ATP6V0A2: variants seen among roughly 807,000 people sequenced by gnomAD.
The protein encoded by ATP6V0A2 is ATPase H+ transporting V0 subunit a2, also known as V-type proton ATPase 116 kDa subunit a 2.
A neutral mutation model predicts 104.4 loss-of-function variants in ATP6V0A2; 58 were observed. The ratio of observed to expected loss-of-function variants is 0.56; its 90% confidence interval spans 0.45 to 0.69. The LOEUF is 0.69. Ranked by LOEUF, ATP6V0A2 falls within the 30% of genes least tolerant of loss-of-function variation. ATP6V0A2 has a pLI of 0.00. For missense variants in ATP6V0A2, 938 were observed against 1,062.9 expected, an observed-to-expected ratio of 0.88 and a Z score of 1.63; for synonymous variants, 376 against 397.9, an observed-to-expected ratio of 0.95 and a Z score of 0.65.
intron 6 of ATP6V0A2, among the ~76,000 whole-genome samples, chr12:123,729,023 C>A (rs371540276): frequency 6.6e-6 from 1 of 152,220 alleles, no homozygotes; most frequent in Non-Finnish European, 1.5e-5. Flanking sequence ...CTTTAGACTT[C>A]GCTGTGAAGT....
At position 123,746,391 on chromosome 12, in the gene ATP6V0A2, T is replaced by C. The variant is rs1956662439; in HGVS notation, c.1606-1216T>C. Among the ~76,000 whole-genome samples the C allele has an allele frequency of 3.3e-5, 5 of 152,038 alleles. No individual in the cohort carries two copies. In the South Asian group the frequency reaches 1.0e-3, roughly 32 times the overall value. ...AATATATCAGCGAAGTTGACTGGCCTCCAACTTCTCAGCCCTGAATACCTC... is the reference window on the plus strand; with the variant it reads ...AATATATCAGCGAAGTTGACTGGCCCCCAACTTCTCAGCCCTGAATACCTC... On this transcript the variant is annotated intron_variant, in intron 13 of 19. Coordinates refer to ENST00000330342, the MANE Select transcript of ATP6V0A2 (RefSeq NM_012463.4).
intron 9 of ATP6V0A2, among the ~76,000 whole-genome samples, chr12:123,739,315 G>A (rs893366755): frequency 3.9e-5 from 6 of 152,112 alleles, no homozygotes; most frequent in South Asian, 2.1e-4. Context: ...CTGTCTCTTC[G>A]CTTTCCTCAT....
intron 1 of ATP6V0A2, 142 bp from the exon 2 acceptor site, chr12:123,718,481 A>T: frequency 1.6e-6 from 1 of 624,504 alleles, no homozygotes; most frequent in Non-Finnish European, 2.7e-6. Flanking sequence ...AATTGCTCTC[A>T]AGAAAAGTTG....
In ATP6V0A2 at chr12:123,737,165, T is replaced by G. The variant is rs758219106; in HGVS notation, c.932T>G (p.Met311Arg). ...AAGAAAATGAAGGCCATCTATCACA[T>G]GCTGAACATGTGCAGCTTTGACGTG... ...QVKKMKAIYH[M>R]LNMCSFDVTN... The change falls in exon 9 of 20, where the codon ATG becomes AGG. Residue 311 changes from methionine (M) to arginine (R), a missense_variant. Transcript: ENST00000330342. The G allele has an allele frequency of 1.2e-6, 2 of 1,614,066 alleles. No individual in the cohort carries two copies. The highest frequency in any genetic ancestry group is 3.3e-5 in the Admixed American group (2 of 60,008).
At chr12:123,716,653 T>C (rs1956342446) in intron 1 of ATP6V0A2, among the ~76,000 whole-genome samples, 1 of 151,650 alleles carries the variant, frequency 6.6e-6, no homozygotes, top group Non-Finnish European at 1.5e-5. Flanking sequence ...TAGCCGGGTG[T>C]GGTGGCACGT....
chr12:123,743,602 G>A (rs1387133688), intron 9 of ATP6V0A2, among the ~76,000 whole-genome samples, 183 bp from the exon 10 acceptor site: 1 of 150,998 alleles, frequency 6.6e-6, no homozygotes, highest in Non-Finnish European at 1.5e-5. Flanking sequence ...GCGGTGAGCC[G>A]AGATCACACC....
chr12:123,740,636 CT>C (rs1482271986), intron 9 of ATP6V0A2, among the ~76,000 whole-genome samples: 2 of 152,198 alleles, frequency 1.3e-5, no homozygotes, highest in Admixed American at 1.3e-4. Context: ...TACTGTCTTG[CT>C]TTGGTTTTCT....
chr12:123,727,528 C>T (rs577351896), intron 5 of ATP6V0A2, among the ~76,000 whole-genome samples: 11 of 152,244 alleles, frequency 7.2e-5, no homozygotes, highest in East Asian at 1.9e-4. Context: ...CCACCCGCCT[C>T]GGCCTCCCAA....
chr12:123,727,857 A>G lies in ATP6V0A2; in HGVS notation c.596A>G (p.Tyr199Cys), dbSNP rs1956462961. ...ATGTTGTGGAGAGTCTGCAAAGGGT[A>G]CACCATCGTGTCCTATGCAGAACTG... ...EKMLWRVCKG[Y>C]TIVSYAELDE... The change falls in exon 6 of 20, where the codon TAC becomes TGC. Residue 199 changes from tyrosine (Y) to cysteine (C), a missense_variant. Tyr to Cys is a radical substitution (Grantham distance 194, BLOSUM62 -2). Coordinates refer to ENST00000330342, the MANE Select transcript of ATP6V0A2 (RefSeq NM_012463.4). 1 of 1,614,224 alleles carries G rather than the reference A, an allele frequency of 6.2e-7. No individual in the cohort carries two copies. Among genetic ancestry groups the G allele is most frequent in the Non-Finnish European group, 8.5e-7 (1 of 1,180,026 alleles).
chr12:123,743,322 T>C (rs1956626884), intron 9 of ATP6V0A2, among the ~76,000 whole-genome samples: 1 of 152,160 alleles, frequency 6.6e-6, no homozygotes, highest in Non-Finnish European at 1.5e-5. Flanking sequence ...TGAGTGGAGA[T>C]TAATCCTGCA....
At chr12:123,742,889 C>A (rs76001391) in intron 9 of ATP6V0A2, among the ~76,000 whole-genome samples, 1 of 151,682 alleles carries the variant, frequency 6.6e-6, no homozygotes, top group African/African-American at 2.4e-5. Flanking sequence ...CTGTCAATAA[C>A]CTGTTTACCT....
In ATP6V0A2 at chr12:123,759,486, A is replaced by G. The variant is rs3748272; in HGVS notation, c.*1454A>G. ...TTTTTTGTGAACTTGAGTCAGTCCT[A>G]TTGAACATTTTGACCTATATTCTTG... On this transcript the variant is annotated 3_prime_UTR_variant, in exon 20 of 20. Coordinates refer to ENST00000330342, the MANE Select transcript of ATP6V0A2 (RefSeq NM_012463.4). 9.2e-5 allele frequency: 14 copies of G among 152,242 alleles called. No homozygotes were observed. Among genetic ancestry groups the G allele is most frequent in the Non-Finnish European group, 1.6e-4 (11 of 68,036 alleles). 9.4% of individuals were successfully genotyped at this position (152,242 alleles called of 1,614,324 possible).
At chr12:123,724,985 G>T (rs2135887880) in intron 4 of ATP6V0A2, among the ~76,000 whole-genome samples, 194 bp downstream of exon 4, 2 of 151,986 alleles carry the variant, frequency 1.3e-5, no homozygotes, top group Non-Finnish European at 2.9e-5. Flanking sequence ...GCCCAGGCTA[G>T]AGTGCAGTGG....
At position 123,734,002 on chromosome 12, in the gene ATP6V0A2, G is replaced by T; in HGVS notation, c.725G>T (p.Cys242Phe). 6.2e-7 allele frequency: 1 copy of T among 1,611,338 alleles called. No homozygotes were observed. Among genetic ancestry groups the T allele is most frequent in the Non-Finnish European group, 8.5e-7 (1 of 1,177,720 alleles). Residue 242 changes from cysteine (C) to phenylalanine (F), a missense_variant, in exon 7 of 20, where the codon TGT (cysteine) becomes TTT (phenylalanine). Cys to Phe is a radical substitution (Grantham distance 205). Coordinates refer to ENST00000330342, the MANE Select transcript of ATP6V0A2 (RefSeq NM_012463.4). ...ATTGGCCACAAGGTTAAGAAGATAT[G>T]TGATTGGTAAGAAAAAGAAACATTT... ...EQIGHKVKKI[C>F]DCYHCHVYPY...
Position 123,728,783 on chromosome 12 carries a change from C to T in ATP6V0A2, c.648+874C>T, listed in dbSNP as rs548907743. Among the ~76,000 whole-genome samples the T allele has an allele frequency of 4.6e-5, 7 of 152,346 alleles. No individual in the cohort carries two copies. In the South Asian group the frequency reaches 1.0e-3, roughly 23 times the overall value. On this transcript the variant is annotated intron_variant, in intron 6 of 19. Coordinates refer to ENST00000330342, the MANE Select transcript of ATP6V0A2 (RefSeq NM_012463.4). ...TGTTTCTGTTTGCTCCATTACTGGT[C>T]GTGGTCCCTCTGATCACTTGATTAG...
chr12:123,743,132 T>C (rs1288174834), intron 9 of ATP6V0A2, among the ~76,000 whole-genome samples: 1 of 152,196 alleles, frequency 6.6e-6, no homozygotes, highest in African/African-American at 2.4e-5. Flanking sequence ...TGTCAGTGAC[T>C]GAGCCGACTC....
intron 9 of ATP6V0A2, among the ~76,000 whole-genome samples, chr12:123,741,465 C>G (rs1956608414): frequency 6.6e-6 from 1 of 152,072 alleles, no homozygotes; most frequent in South Asian, 2.1e-4. Flanking sequence ...GACAAGGTCT[C>G]ACTCTGTTTC....
intron 1 of ATP6V0A2, 78 bp downstream of exon 1, chr12:123,712,760 G>T (rs1956305465): frequency 2.4e-6 from 3 of 1,268,182 alleles, no homozygotes; most frequent in Non-Finnish European, 3.4e-6. Flanking sequence ...GGGCCCTCCC[G>T]CGGGGAGCAC....
chr12:123,714,553 T>C (rs1004778282), intron 1 of ATP6V0A2, among the ~76,000 whole-genome samples: 10 of 152,164 alleles, frequency 6.6e-5, no homozygotes, highest in African/African-American at 2.4e-4. Flanking sequence ...TTGTTACAGT[T>C]CTCAGTCTAA....
Sources: allele counts gnomAD v4.1 joint callset (sites outside exome capture counted in the v4.1 genomes callset), GRCh38; gene constraint gnomAD v4.1.1; transcripts MANE v1.5; gene names NCBI Gene and HGNC (gene_info 2026-07-23, HGNC 2026-07-21).